POLL: variants seen among roughly 807,000 people sequenced by gnomAD.
POLL encodes the protein DNA polymerase beta-2.
POLL carries 44 observed loss-of-function variants against 58.1 expected under a neutral mutation model. That is an observed-to-expected ratio of 0.76 (90% CI 0.60 to 0.97). The LOEUF (loss-of-function observed/expected upper bound fraction) is 0.97, where lower values mean the gene tolerates loss of function less well. Among genes scored for constraint, POLL ranks in the 50% least tolerant of loss-of-function variants. The probability of loss-of-function intolerance (pLI) is 0.00; values close to 1 mark genes in which losing one functional copy is unlikely to be tolerated. For synonymous variants in POLL, 290 were observed against 283.2 expected, an observed-to-expected ratio of 1.02 and a Z score of -0.24; for missense variants, 632 against 736.8, an observed-to-expected ratio of 0.86 and a Z score of 1.65.
Position 101,583,589 on chromosome 10 carries a change from G to T in POLL, c.984C>A (p.Ile328=). ...GCTCCAAGACAGGCACGCTCTCACT[G>T]ATATGGTCCAGCTTCCGCAAATGCC... ...ESGHLRKLDH[I]SESVPVLELF... The change falls in exon 6 of 9, where the codon ATC becomes ATA. Residue 328 remains isoleucine, a synonymous_variant. Transcript: ENST00000370162. 6.2e-7 allele frequency: 1 copy of T among 1,614,136 alleles called. No individual in the cohort carries two copies. Among genetic ancestry groups the T allele is most frequent in the South Asian group, 1.1e-5 (1 of 91,074 alleles).
intron 6 of POLL, 171 bp from the exon 7 acceptor site, chr10:101,583,062 G>A: frequency 1.4e-6 from 1 of 719,458 alleles, no homozygotes; most frequent in Admixed American, 2.1e-5. Flanking sequence ...AAGGCAGGGA[G>A]CATGGGAAAC....
chr10:101,579,845 G>A lies in POLL; in HGVS notation c.1364-28C>T, dbSNP rs916578795. The A allele has an allele frequency of 6.3e-7, 1 of 1,596,772 alleles. No homozygotes were observed. Among genetic ancestry groups the A allele is most frequent in the African/African-American group, 1.3e-5 (1 of 74,806 alleles). On this transcript the variant is annotated intron_variant, in intron 8 of 8. Transcript: ENST00000370162. The surrounding 1 kb of genome is among the most constrained non-coding windows in gnomAD (Gnocchi z 4.4). The stretch of plus-strand genomic sequence containing the variant: ...GGCCCAACAGAGGGGACTGCTGGGA[G>A]GGCAGGGAACCAGGCCTGGGCTGTC...
intron 6 of POLL, 113 bp downstream of exon 6, chr10:101,583,395 G>A: frequency 8.7e-7 from 1 of 1,154,692 alleles, no homozygotes; most frequent in Non-Finnish European, 1.3e-6. Flanking sequence ...TATACTGTGG[G>A]TGCATTCCCA....
Position 101,587,838 on chromosome 10 carries a change from C to T in POLL, c.-63G>A. 2.5e-6 allele frequency: 3 copies of T among 1,190,222 alleles called. No homozygotes were observed. Among genetic ancestry groups the T allele is most frequent in the Non-Finnish European group, 3.2e-6 (3 of 942,250 alleles). The allele number at this position is 1,190,222 out of a possible 1,614,324, so 73.7% of individuals were successfully genotyped here. ...TTTCTCTACCTCCAACACAGACTCG[C>T]AGAGGAAGGAGGAGGACTTTCGGGG... On this transcript the variant is annotated 5_prime_UTR_variant, in exon 1 of 9. Transcript: ENST00000370162.
In POLL at chr10:101,584,874, T is replaced by C; in HGVS notation, c.619A>G (p.Ser207Gly). 6.9e-7 allele frequency: 1 copy of C among 1,446,040 alleles called. No individual in the cohort carries two copies. Among genetic ancestry groups the C allele is most frequent in the Non-Finnish European group, 9.1e-7 (1 of 1,092,978 alleles). 89.6% of individuals were successfully genotyped at this position (1,446,040 alleles called of 1,614,324 possible). The change falls in exon 5 of 9, where the codon AGT (serine) becomes GGT (glycine). Residue 207 changes from serine to glycine, a missense_variant. Coordinates refer to ENST00000370162, the MANE Select transcript of POLL (RefSeq NM_001174084.2). ...ATGAGGGCTTCCAGATCAGCTGCAC[T>C]AACCTGGGTTTCTTCCCCATCACTG... ...EASDGEETQV[S>G]AADLEALISG... is the part of the protein sequence containing the mutation.
chr10:101,582,088 G>A (rs2063031930), intron 7 of POLL: 1 of 152,238 alleles, frequency 6.6e-6, no homozygotes, highest in East Asian at 1.9e-4. Flanking sequence ...TCGAGCTCCT[G>A]AGCTCAGATG....
At position 101,580,213 on chromosome 10, in the gene POLL, C is replaced by A; in HGVS notation, c.1363+35G>T. 1 of 1,589,260 alleles carries A rather than the reference C, an allele frequency of 6.3e-7. No individual in the cohort carries two copies. On this transcript the variant is annotated intron_variant, in intron 8 of 8. Transcript: ENST00000370162. This position sits in a 1 kb window ranked among gnomAD's most constrained non-coding sequence, Gnocchi z 4.1. ...GGGGCCCCCAGACCTGTGCTGCCCT[C>A]TGTCAACCTGCTCACCCAGAGATGG... is the stretch of plus-strand genomic sequence containing the variant.
At chr10:101,585,252 C>G in intron 4 of POLL, 64 bp downstream of exon 4, 1 of 1,406,300 alleles carries the variant, frequency 7.1e-7, no homozygotes, top group Non-Finnish European at 9.5e-7. Context: ...GCCACCAGGC[C>G]CACCCCATTT....
intron 2 of POLL, chr10:101,587,013 G>A: frequency 1.4e-6 from 1 of 727,856 alleles, no homozygotes; most frequent in Non-Finnish European, 2.3e-6. Context: ...GAGGGCCCAG[G>A]GAGTCTTTTC....
In POLL at chr10:101,587,709, C is replaced by T; in HGVS notation, c.-47+113G>A. The T allele has an allele frequency of 2.7e-6, 3 of 1,103,756 alleles. No individual in the cohort carries two copies. The South Asian group carries it at 4.9e-5, about 18-fold the overall frequency. 68.4% of individuals were successfully genotyped at this position (1,103,756 alleles called of 1,614,324 possible). On this transcript the variant is annotated intron_variant, in intron 1 of 8. Coordinates refer to ENST00000370162, the MANE Select transcript of POLL (RefSeq NM_001174084.2). ...AAGATTCAGCACAGCCCTGCTGCGG[C>T]CCACTTCGAAGGGCTTTACCAAATG...
Position 101,579,567 on chromosome 10 carries a change from C to T in POLL, c.1614G>A (p.Arg538=), listed in dbSNP as rs111556691. The change falls in exon 9 of 9, where the codon CGG becomes CGA. Residue 538 remains arginine (R), a synonymous_variant. Transcript: ENST00000370162. This position sits in a 1 kb window ranked among gnomAD's most constrained non-coding sequence, Gnocchi z 4.4. ...SEHALSTAVV[R]NTHGCKVGPG... Reference sequence around the variant, plus strand: ...GCCCCACCTTGCAGCCATGGGTGTTCCGGACCACAGCAGTGCTGAGGGCAT... The same window carrying T: ...GCCCCACCTTGCAGCCATGGGTGTTTCGGACCACAGCAGTGCTGAGGGCAT... The T allele has an allele frequency of 2.5e-6, 4 of 1,613,976 alleles. No homozygotes were observed. The highest frequency in any genetic ancestry group is 1.3e-5 in the African/African-American group (1 of 75,024).
Position 101,580,101 on chromosome 10 carries a change from G to T in POLL, c.1363+147C>A. 1.3e-6 allele frequency: 1 copy of T among 768,004 alleles called. No homozygotes were observed. The highest frequency in any genetic ancestry group is 2.1e-6 in the Non-Finnish European group (1 of 482,896). 47.6% of individuals were successfully genotyped at this position (768,004 alleles called of 1,614,324 possible). A position where few individuals can be genotyped will look rare whatever the true frequency, so the allele number is the denominator to read the frequency against. On this transcript the variant is annotated intron_variant, in intron 8 of 8. Coordinates refer to ENST00000370162, the MANE Select transcript of POLL (RefSeq NM_001174084.2). The surrounding 1 kb of genome is among the most constrained non-coding windows in gnomAD (Gnocchi z 4.1). The stretch of plus-strand genomic sequence containing the variant: ...CCATCTCTCCCTGGAGAGGATTCCG[G>T]CCCCGATAGAGAGATGGGATGCTGG...
In POLL at chr10:101,585,274, T is replaced by C. The variant is rs12245982; in HGVS notation, c.573+42A>G. On this transcript the variant is annotated intron_variant, in intron 4 of 8. Coordinates refer to ENST00000370162, the MANE Select transcript of POLL (RefSeq NM_001174084.2). ...GGCCCACCCCATTTCTGTGATCTGC[T>C]TCCTAGGGGAAGGGAGTTCTGAGGG... 3.1e-3 allele frequency: 4,531 copies of C among 1,482,408 alleles called. 135 individuals carry two copies. The African/African-American group carries it at 0.056, about 18-fold the overall frequency. 91.8% of individuals were successfully genotyped at this position (1,482,408 alleles called of 1,614,324 possible).
chr10:101,582,978 C>T lies in POLL; in HGVS notation c.1066-87G>A, dbSNP rs528668864. The T allele has an allele frequency of 1.7e-4, 266 of 1,542,328 alleles. 4 individuals are homozygous for T. In the South Asian group the frequency reaches 2.9e-3, roughly 17 times the overall value. On this transcript the variant is annotated intron_variant, in intron 6 of 8. Transcript: ENST00000370162. ...GAGCACACACACAAGGCTTCCATCG[C>T]CCCAGACTCTAGGGAAGGCTAGAGG...
rs1250225993 is a variant in POLL, at chr10:101,586,159, G to A, written c.116-3C>T. On this transcript the variant is annotated splice_polypyrimidine_tract_variant and splice_region_variant and intron_variant, in intron 2 of 8. Transcript: ENST00000370162. ...GGCCCGAAGGGAGCTCAGCCACTCT[G>A]TGGAAGGAACATCCAGATGACTACT... is the stretch of plus-strand genomic sequence containing the variant. 1 of 1,606,482 alleles carries A rather than the reference G, an allele frequency of 6.2e-7. No homozygotes were observed. The highest frequency in any genetic ancestry group is 8.5e-7 in the Non-Finnish European group (1 of 1,175,250).
rs1225798009 is a variant in POLL at position 101,579,463 on chromosome 10, C to T, written c.1718G>A (p.Arg573Gln). 5.0e-6 allele frequency: 8 copies of T among 1,606,532 alleles called. No homozygotes were observed. Among genetic ancestry groups the T allele is most frequent in the African/African-American group, 2.7e-5 (2 of 74,766 alleles). Residue 573 changes from arginine to glutamine, a missense_variant, in exon 9 of 9, where the codon CGG becomes CAG. Arg to Gln is a conservative substitution (Grantham distance 43). Transcript: ENST00000370162. This position sits in a 1 kb window ranked among gnomAD's most constrained non-coding sequence, Gnocchi z 4.4. Reference protein sequence around the residue: ...LGLPYREPAERDW With the variant: ...LGLPYREPAEQDW ...ACCCCCAGCCATGGGTCACCAGTCC[C>T]GCTCAGCAGGTTCTCGGTAGGGGAG...
In POLL at chr10:101,580,241, C is replaced by T; in HGVS notation, c.1363+7G>A. On this transcript the variant is annotated splice_region_variant and intron_variant, in intron 8 of 8. Coordinates refer to ENST00000370162, the MANE Select transcript of POLL (RefSeq NM_001174084.2). The surrounding 1 kb of genome is among the most constrained non-coding windows in gnomAD (Gnocchi z 4.1). ...TCAACCTGCTCACCCAGAGATGGAG[C>T]TTATACCTTCCTGCCGAAGACTGTC... 6.2e-7 allele frequency: 1 copy of T among 1,611,478 alleles called. No homozygotes were observed. The highest frequency in any genetic ancestry group is 8.5e-7 in the Non-Finnish European group (1 of 1,178,752).
In POLL at chr10:101,585,165, A is replaced by G. The variant is rs940145033; in HGVS notation, c.573+151T>C. The G allele has an allele frequency of 1.9e-5, 12 of 647,608 alleles. No homozygotes were observed. In the African/African-American group the frequency reaches 2.0e-4, roughly 11 times the overall value. 40.1% of individuals were successfully genotyped at this position (647,608 alleles called of 1,614,324 possible). ...TAGATATGGCCTAGATAAATGCAGC[A>G]GTGATGAGTGTTGGGAAGAGCTAAA... is the stretch of plus-strand genomic sequence containing the variant. On this transcript the variant is annotated intron_variant, in intron 4 of 8. Coordinates refer to ENST00000370162, the MANE Select transcript of POLL (RefSeq NM_001174084.2).
Position 101,583,138 on chromosome 10 carries a change from GACCTTGTCATCTTCATCCTT to G in POLL, c.1066-267_1066-248del, listed in dbSNP as rs543441674. 5,380 of 611,170 alleles carry G rather than the reference GACCTTGTCATCTTCATCCTT, an allele frequency of 8.8e-3. 64 individuals carry two copies. Among genetic ancestry groups the G allele is most frequent in the South Asian group, 0.026 (1,360 of 51,764 alleles). The allele number at this position is 611,170 out of a possible 1,614,324, so 37.9% of individuals were successfully genotyped here. A position where few individuals can be genotyped will look rare whatever the true frequency, so the allele number is the denominator to read the frequency against. On this transcript the variant is annotated intron_variant, in intron 6 of 8. Transcript: ENST00000370162. ...TCATGATTCCATCAGTCTGAGGATG[GACCTTGTCATCTTCATCCTT>G]ACCAAGCTGCCCTGGTGATTGTGGG...
Sources: gnomAD v4.1 joint callset for allele counts on GRCh38, gnomAD v4.1.1 for gene constraint, Gnocchi (gnomAD v3.1) non-coding constraint, MANE v1.5 for transcripts, NCBI Gene and HGNC (gene_info 2026-07-23, HGNC 2026-07-21) for gene names.